Variants in ZNF536 observed in about 807,000 individuals in gnomAD.
ZNF536 encodes the protein zinc finger protein 536.
Under a neutral mutation model 84.5 loss-of-function variants are expected in ZNF536, and 13 were observed. The observed-to-expected ratio is 0.15, with a 90% CI of 0.10 to 0.24. ZNF536 has a LOEUF of 0.24. Ranked by LOEUF, ZNF536 falls within the 10% of genes least tolerant of loss-of-function variation. ZNF536 has a pLI of 1.00. For synonymous variants in ZNF536, 811 were observed against 742.5 expected, an observed-to-expected ratio of 1.09 and a Z score of -1.50; for missense variants, 1,536 against 1,747.5, an observed-to-expected ratio of 0.88 and a Z score of 2.16.
At chr19:30,587,398 C>T (rs2047130739) in intron 1 of ZNF536, among the ~76,000 whole-genome samples, 1 of 152,184 alleles carries the variant, frequency 6.6e-6, no homozygotes, top group African/African-American at 2.4e-5. Flanking sequence ...AAATCAAGAT[C>T]AGTTGGTATT....
chr19:30,312,092 A>G (rs1282713527), intron 2 of ZNF536, among the ~76,000 whole-genome samples: 1 of 152,148 alleles, frequency 6.6e-6, no homozygotes, highest in Non-Finnish European at 1.5e-5. Context: ...ATTAAATTAA[A>G]TTTGAATGAG....
At chr19:30,369,445 C>G (rs1403013761), upstream of ZNF536, among the ~76,000 whole-genome samples, 1 of 152,138 alleles carries the variant, frequency 6.6e-6, no homozygotes, top group Non-Finnish European at 1.5e-5. Context: ...AACATGAATG[C>G]ATTAAATGTG....
intron 3 of ZNF536, among the ~76,000 whole-genome samples, chr19:30,544,962 T>A (rs2045483215): frequency 6.6e-6 from 1 of 152,166 alleles, no homozygotes; most frequent in Non-Finnish European, 1.5e-5. Flanking sequence ...CTCAAATACC[T>A]CCTGAGGTCT....
chr19:30,526,192 C>T (rs73026721), intron 2 of ZNF536, among the ~76,000 whole-genome samples: 14,420 of 152,278 alleles, frequency 0.095, 947 homozygotes, highest in Non-Finnish European at 0.14. Context: ...TGTCCCAGGT[C>T]AATTCTGTGA....
chr19:30,404,960 T>A lies in ZNF536; in HGVS notation c.-3+32404T>A, dbSNP rs144095963. On this transcript the variant is annotated intron_variant, in intron 1 of 4. Coordinates refer to ENST00000355537, the MANE Select transcript of ZNF536 (RefSeq NM_014717.3). ...GGTCCTATTAATTTGCCGGAGCAGC[T>A]CATGGAAACATTTACTTATGTTTAC... Among the ~76,000 whole-genome samples the A allele has an allele frequency of 5.5e-4, 84 of 152,310 alleles. 3 individuals carry two copies. The East Asian group carries it at 0.015, about 28-fold the overall frequency.
At chr19:30,521,514 A>G (rs2044319144) in intron 2 of ZNF536, among the ~76,000 whole-genome samples, 1 of 152,196 alleles carries the variant, frequency 6.6e-6, no homozygotes. Context: ...TGATCACAAG[A>G]AAAACAAGCA....
chr19:30,345,164 T>C (rs2146614889), intron 2 of ZNF536, among the ~76,000 whole-genome samples: 1 of 152,368 alleles, frequency 6.6e-6, no homozygotes, highest in Admixed American at 6.5e-5. Context: ...ATTTTGCAGA[T>C]GAGGAAACTG....
At chr19:30,699,783 A>T (rs2051820410) in intron 1 of ZNF536, among the ~76,000 whole-genome samples, 1 of 152,138 alleles carries the variant, frequency 6.6e-6, no homozygotes, top group African/African-American at 2.4e-5. Flanking sequence ...CCTCAGGGTC[A>T]AAGTGGTAAA....
intron 1 of ZNF536, among the ~76,000 whole-genome samples, chr19:30,229,593 C>G (rs992322384): frequency 6.6e-6 from 1 of 152,050 alleles, no homozygotes; most frequent in Non-Finnish European, 1.5e-5. Context: ...AGCTTTCAGT[C>G]CAGGGAGTCG....
chr19:30,542,109 C>G (rs2045356160), intron 3 of ZNF536, among the ~76,000 whole-genome samples: 1 of 151,828 alleles, frequency 6.6e-6, no homozygotes, highest in Non-Finnish European at 1.5e-5. Context: ...GCAAAAAAAA[C>G]AAAAACAAAA....
chr19:30,404,481 G>A (rs1173990722), intron 1 of ZNF536, among the ~76,000 whole-genome samples: 1 of 152,114 alleles, frequency 6.6e-6, no homozygotes, highest in African/African-American at 2.4e-5. Flanking sequence ...GAAACTTTAG[G>A]CAAGTTATTT....
intron 2 of ZNF536, among the ~76,000 whole-genome samples, chr19:30,453,175 C>T (rs1600799529): frequency 1.3e-5 from 2 of 152,250 alleles, no homozygotes; most frequent in Middle Eastern, 3.4e-3. Context: ...GCTGTGTCCC[C>T]CCCACCCCCA....
intron 3 of ZNF536, among the ~76,000 whole-genome samples, chr19:30,357,733 G>A (rs186188072): frequency 2.6e-5 from 4 of 152,180 alleles, no homozygotes; most frequent in African/African-American, 4.8e-5. Context: ...GTGCAGCCCC[G>A]GGAGGCCTGA....
chr19:30,497,528 A>G (rs2054773019), intron 2 of ZNF536, among the ~76,000 whole-genome samples: 1 of 152,158 alleles, frequency 6.6e-6, no homozygotes, highest in Non-Finnish European at 1.5e-5. Context: ...CTCCAATGTG[A>G]CATGCATCCC....
At chr19:30,593,679 CT>C (rs2047349108) in intron 1 of ZNF536, among the ~76,000 whole-genome samples, 2 of 152,214 alleles carry the variant, frequency 1.3e-5, no homozygotes. Context: ...CCTCTCCTCC[CT>C]GCCCCTCACC....
At chr19:30,424,340 G>T (rs2051118922) in intron 1 of ZNF536, among the ~76,000 whole-genome samples, 1 of 152,136 alleles carries the variant, frequency 6.6e-6, no homozygotes, top group Non-Finnish European at 1.5e-5. Flanking sequence ...GAGGAGGCCA[G>T]GAATCCCTCT....
chr19:30,353,526 G>GC (rs903006734), intron 3 of ZNF536, among the ~76,000 whole-genome samples: 26 of 151,390 alleles, frequency 1.7e-4, no homozygotes, highest in African/African-American at 2.4e-4. Flanking sequence ...TGGATGAGCA[G>GC]CCCCCCCCTG....
At chr19:30,438,824 A>G (rs1364419062) in intron 1 of ZNF536, among the ~76,000 whole-genome samples, 1 of 152,088 alleles carries the variant, frequency 6.6e-6, no homozygotes, top group Non-Finnish European at 1.5e-5. Context: ...GACTACAGGC[A>G]CGCATCACCA....
upstream of ZNF536, among the ~76,000 whole-genome samples, chr19:30,227,661 G>A (rs1296105948): frequency 1.3e-5 from 2 of 151,936 alleles, no homozygotes. Context: ...GCGGGGCCGG[G>A]GCGAGGGGCG....
Sources: gnomAD v4.1 joint callset for allele counts (sites outside exome capture counted in the v4.1 genomes callset) on GRCh38, gnomAD v4.1.1 for gene constraint, MANE v1.5 for transcripts, NCBI Gene and HGNC (gene_info 2026-07-23, HGNC 2026-07-21) for gene names.